Variants in TOX observed in about 807,000 individuals in gnomAD.
TOX encodes the protein thymocyte selection-associated high mobility group box protein TOX.
In TOX, 11 loss-of-function variants were observed where a neutral mutation model predicts 53.7. The ratio of observed to expected loss-of-function variants is 0.20; its 90% CI spans 0.13 to 0.34. TOX has a LOEUF of 0.34. Ranked by LOEUF, TOX falls within the 10% of genes least tolerant of loss-of-function variation. The pLI is 1.00. For synonymous variants in TOX, 225 were observed against 245.3 expected, an observed-to-expected ratio of 0.92 and a Z score of 0.77; for missense variants, 570 against 664.6, an observed-to-expected ratio of 0.86 and a Z score of 1.56.
At chr8:58,978,964 C>T (rs547469822) in intron 1 of TOX, among the ~76,000 whole-genome samples, 1 of 152,296 alleles carries the variant, frequency 6.6e-6, no homozygotes, top group South Asian at 2.1e-4. Context: ...CCGAAAAATG[C>T]TATTGCTAAA....
chr8:59,042,721 C>G (rs1004496195), intron 1 of TOX, among the ~76,000 whole-genome samples: 1 of 152,112 alleles, frequency 6.6e-6, no homozygotes, highest in Non-Finnish European at 1.5e-5. Flanking sequence ...AGTAATATAG[C>G]TAATTTTTAA....
At chr8:58,896,432 C>T (rs975424934) in intron 3 of TOX, among the ~76,000 whole-genome samples, 2 of 152,094 alleles carry the variant, frequency 1.3e-5, no homozygotes, top group Admixed American at 6.6e-5. Context: ...AATCCCAGCA[C>T]TTTGGATGGC....
chr8:58,820,124 T>C (rs538852554), intron 6 of TOX, among the ~76,000 whole-genome samples: 1 of 152,320 alleles, frequency 6.6e-6, no homozygotes, highest in South Asian at 2.1e-4. Context: ...CACCATGGCA[T>C]GGTATCTGTA....
At chr8:58,891,035 C>T (rs1811551493) in intron 3 of TOX, among the ~76,000 whole-genome samples, 1 of 152,006 alleles carries the variant, frequency 6.6e-6, no homozygotes, top group Non-Finnish European at 1.5e-5. Context: ...TCTCTCCTCC[C>T]TGCATTTTTT....
chr8:58,813,984 CCTTATGA>C (rs1263806390), intron 7 of TOX, among the ~76,000 whole-genome samples: 1 of 152,136 alleles, frequency 6.6e-6, no homozygotes, highest in Non-Finnish European at 1.5e-5. Context: ...CCAGCTCTGA[CCTTATGA>C]GCACATGACT....
intron 1 of TOX, among the ~76,000 whole-genome samples, chr8:59,088,395 G>C (rs748374031): frequency 1.3e-5 from 2 of 152,138 alleles, no homozygotes; most frequent in Admixed American, 1.3e-4. Flanking sequence ...ATAATCAGAC[G>C]TAAGTTTTTG....
At chr8:58,820,620 G>A (rs1450694917) in intron 6 of TOX, among the ~76,000 whole-genome samples, 1 of 152,134 alleles carries the variant, frequency 6.6e-6, no homozygotes, top group African/African-American at 2.4e-5. Flanking sequence ...ACAGCTAATA[G>A]TCACTTGAAG....
At chr8:58,923,090 A>G (rs1812098951) in intron 3 of TOX, among the ~76,000 whole-genome samples, 1 of 151,536 alleles carries the variant, frequency 6.6e-6, no homozygotes, top group Non-Finnish European at 1.5e-5. Context: ...GAAGAAACGG[A>G]TTTTTTTTTC....
chr8:58,936,360 C>T (rs1812345172), intron 3 of TOX, among the ~76,000 whole-genome samples: 1 of 152,164 alleles, frequency 6.6e-6, no homozygotes, highest in Non-Finnish European at 1.5e-5. Flanking sequence ...CTAAGAGTTC[C>T]TACTGAGTTC....
chr8:59,109,572 A>G (rs555212177), intron 1 of TOX, among the ~76,000 whole-genome samples: 4 of 152,136 alleles, frequency 2.6e-5, no homozygotes, highest in Non-Finnish European at 4.4e-5. Context: ...CCATGAATAT[A>G]ATAGCCTTTT....
At chr8:58,949,229 T>C (rs1471115365) in intron 2 of TOX, among the ~76,000 whole-genome samples, 2 of 152,228 alleles carry the variant, frequency 1.3e-5, no homozygotes, top group East Asian at 3.8e-4. Context: ...TATCACTTAA[T>C]GTGATGACTT....
intron 1 of TOX, among the ~76,000 whole-genome samples, chr8:59,036,944 G>A (rs1320579652): frequency 1.3e-5 from 2 of 152,166 alleles, no homozygotes; most frequent in African/African-American, 2.4e-5. Context: ...CCTTCATGAA[G>A]AGGCCTTCAA....
intron 1 of TOX, among the ~76,000 whole-genome samples, chr8:59,049,903 C>T (rs531890407): frequency 1.6e-4 from 25 of 152,132 alleles, no homozygotes; most frequent in Admixed American, 4.6e-4. Context: ...AGTGGAGTGG[C>T]GGGGGTTTCT....
intron 2 of TOX, among the ~76,000 whole-genome samples, chr8:58,959,587 T>G (rs1812767575): frequency 6.6e-6 from 1 of 152,232 alleles, no homozygotes. Context: ...TAAAGCTATT[T>G]GTGACACGTG....
intron 1 of TOX, among the ~76,000 whole-genome samples, chr8:59,103,379 G>A (rs1010547567): frequency 3.9e-5 from 6 of 152,212 alleles, no homozygotes; most frequent in African/African-American, 1.4e-4. Context: ...TGTGTCATGC[G>A]TCTCCTAGGA....
At chr8:59,095,039 C>A (rs542774260) in intron 1 of TOX, among the ~76,000 whole-genome samples, 2 of 152,328 alleles carry the variant, frequency 1.3e-5, no homozygotes, top group East Asian at 3.9e-4. Context: ...TCTTTTACAG[C>A]ACTTCACTGT....
At chr8:58,942,200 C>A (rs748106134) in intron 2 of TOX, among the ~76,000 whole-genome samples, 2 of 152,074 alleles carry the variant, frequency 1.3e-5, no homozygotes, top group African/African-American at 2.4e-5. Flanking sequence ...CTATAGTAGA[C>A]CACCACTTTA....
intron 3 of TOX, among the ~76,000 whole-genome samples, chr8:58,895,957 A>G (rs934324972): frequency 4.6e-5 from 7 of 152,232 alleles, no homozygotes; most frequent in Non-Finnish European, 1.0e-4. Flanking sequence ...ATGACTTGTA[A>G]GTAATTAAAG....
chr8:58,931,965 G>A (rs75809962), intron 3 of TOX, among the ~76,000 whole-genome samples: 1,987 of 152,150 alleles, frequency 0.013, 58 homozygotes, highest in African/African-American at 0.046. Context: ...TCTAGTTTGG[G>A]ATAATATTTT....
Sources: gnomAD v4.1 joint callset for allele counts (sites outside exome capture counted in the v4.1 genomes callset) on GRCh38, gnomAD v4.1.1 for gene constraint, MANE v1.5 for transcripts, NCBI Gene and HGNC (gene_info 2026-07-23, HGNC 2026-07-21) for gene names.